The following DST variants were observed in gnomAD, a reference collection of about 807,000 sequenced individuals.
DST encodes the protein dystonin.
In DST, 253 loss-of-function variants were observed where a neutral mutation model predicts 875.2. The ratio of observed to expected loss-of-function variants is 0.29; its 90% CI spans 0.26 to 0.32. The LOEUF (loss-of-function observed/expected upper bound fraction) is 0.32, where lower values mean the gene tolerates loss of function less well. Among genes scored for constraint, DST ranks in the 10% least tolerant of loss-of-function variants. The pLI is 1.00. For missense variants in DST, 8,287 were observed against 9,111.6 expected (o/e 0.91, Z 3.68); for synonymous variants, 3,124 against 3,197.1 (o/e 0.98, Z 0.77).
At chr6:56,858,044 G>A (rs1164863518) in intron 3 of DST, among the ~76,000 whole-genome samples, 1 of 152,210 alleles carries the variant, frequency 6.6e-6, no homozygotes, top group African/African-American at 2.4e-5. Flanking sequence ...ACAGCTCTCA[G>A]TTAAGTCTTA....
chr6:56,593,847 G>A lies in DST; in HGVS notation c.12542C>T (p.Ser4181Leu). ...ACCTTTGTGAGAAATAACGTCTTCT[G>A]AGAAACTCTTCTGCCTCTTCAATTT... ...MTKLKRQKSFSEDVISHKGDL... is the reference protein window; with the variant it reads ...MTKLKRQKSFLEDVISHKGDL... The change falls in exon 48 of 104, where the codon TCA (serine) becomes TTA (leucine). Residue 4181 changes from serine (S) to leucine (L), a missense_variant. By Grantham distance (145) the Ser-to-Leu change is moderately radical. Transcript: ENST00000680361. 1 of 1,613,904 alleles carries A rather than the reference G, an allele frequency of 6.2e-7. No individual in the cohort carries two copies. The highest frequency in any genetic ancestry group is 2.2e-5 in the East Asian group (1 of 44,868).
At chr6:56,767,810 C>T (rs1222962216) in intron 4 of DST, among the ~76,000 whole-genome samples, 1 of 151,918 alleles carries the variant, frequency 6.6e-6, no homozygotes, top group African/African-American at 2.4e-5. Context: ...AGAAGGGGGG[C>T]ATCTGAATAA....
At chr6:56,486,611 G>A (rs1475417212) in intron 87 of DST, among the ~76,000 whole-genome samples, 1 of 152,078 alleles carries the variant, frequency 6.6e-6, no homozygotes, top group Non-Finnish European at 1.5e-5. Flanking sequence ...ATGAGAAAGA[G>A]GGAGATCAGA....
At position 56,535,302 on chromosome 6, in the gene DST, GC is replaced by G; in HGVS notation, c.16771-11del. 1 of 1,556,892 alleles carries G rather than the reference GC, an allele frequency of 6.4e-7. No homozygotes were observed. The highest frequency in any genetic ancestry group is 8.6e-7 in the Non-Finnish European group (1 of 1,162,432). ...CTGCTCGCTGAGCCACCTGCAAAGT[GC>G]CAATTGTTTCCACTTATTTATTTGT... On this transcript the variant is annotated splice_polypyrimidine_tract_variant and intron_variant, in intron 62 of 103. Transcript: ENST00000680361.
chr6:56,892,398 A>C (rs1012569000), intron 3 of DST, among the ~76,000 whole-genome samples: 2 of 142,294 alleles, frequency 1.4e-5, no homozygotes, highest in Admixed American at 7.4e-5. Flanking sequence ...ATCATGGCTT[A>C]CTGCAGCCTG....
chr6:56,870,557 G>A (rs755296928), intron 3 of DST, among the ~76,000 whole-genome samples: 8 of 152,118 alleles, frequency 5.3e-5, no homozygotes, highest in Non-Finnish European at 8.8e-5. Flanking sequence ...GAGGTCAGGC[G>A]TTCAAGATCA....
chr6:56,675,024 CTATAGTAAT>C (rs2099121680), intron 9 of DST, among the ~76,000 whole-genome samples: 1 of 152,172 alleles, frequency 6.6e-6, no homozygotes, highest in Non-Finnish European at 1.5e-5. Context: ...TACTACAAAT[CTATAGTAAT>C]AAAAACAGCA....
At chr6:56,918,477 T>C (rs1802451911) in intron 2 of DST, among the ~76,000 whole-genome samples, 1 of 152,156 alleles carries the variant, frequency 6.6e-6, no homozygotes, top group African/African-American at 2.4e-5. Flanking sequence ...ACTTAACTAT[T>C]TTCCTACTGA....
Position 56,517,604 on chromosome 6 carries a change from T to A in DST, c.18146A>T (p.Asp6049Val), listed in dbSNP as rs1172615642. The A allele has an allele frequency of 1.2e-6, 2 of 1,612,934 alleles. No homozygotes were observed. The highest frequency in any genetic ancestry group is 1.7e-5 in the Admixed American group (1 of 59,894). Residue 6049 changes from aspartate to valine, a missense_variant, in exon 70 of 104, where the codon GAT becomes GTT. This residue lies in a region of DST where 777 missense variants were observed against 764.8 expected (regional missense o/e 1.02). Coordinates refer to ENST00000680361, the MANE Select transcript of DST (RefSeq NM_001374736.1). ...TTCAGTAATCCAGGATAACTCAGCATCAGCTGCTTGGTCAAACTAAACAAA... is the reference window on the plus strand; with the variant it reads ...TTCAGTAATCCAGGATAACTCAGCAACAGCTGCTTGGTCAAACTAAACAAA... ...LRSQQFDQAA[D>V]AELSWITETE...
chr6:56,788,640 C>A (rs2099709973), intron 4 of DST, among the ~76,000 whole-genome samples: 2 of 152,144 alleles, frequency 1.3e-5, no homozygotes, highest in Admixed American at 1.3e-4. Flanking sequence ...GAAATGAGTT[C>A]TGTTATTTAT....
At chr6:56,586,856 C>T (rs1006813549) in intron 49 of DST, among the ~76,000 whole-genome samples, 124 of 152,222 alleles carry the variant, frequency 8.1e-4, no homozygotes, top group African/African-American at 2.7e-3. Flanking sequence ...GAGTCCTGTC[C>T]GTTACAAGGA....
Position 56,603,314 on chromosome 6 carries a change from A to T in DST, c.11048T>A (p.Val3683Asp), listed in dbSNP as rs1322103008. Residue 3683 changes from valine (V) to aspartate (D), a missense_variant, in exon 42 of 104, where the codon GTT becomes GAT. Physicochemically the swap from Val to Asp is radical, Grantham distance 152. This residue lies in a region of DST where 3,138 missense variants were observed against 3,116.6 expected (regional missense o/e 1.01). Transcript: ENST00000680361. ...SLPSDFPRGH[V>D]EELSISHQSL... ...CTGGTGGCTAATACTCAATTCTTCAACATGGCCTCTGGGAAAGTCACTGGG... is the reference window on the plus strand; with the variant it reads ...CTGGTGGCTAATACTCAATTCTTCATCATGGCCTCTGGGAAAGTCACTGGG... 1 of 1,611,186 alleles carries T rather than the reference A, an allele frequency of 6.2e-7. No individual in the cohort carries two copies. Among genetic ancestry groups the T allele is most frequent in the East Asian group, 2.2e-5 (1 of 44,794 alleles).
chr6:56,727,226 G>C (rs1217614864), intron 5 of DST, among the ~76,000 whole-genome samples: 2 of 152,164 alleles, frequency 1.3e-5, no homozygotes, highest in Non-Finnish European at 2.9e-5. Flanking sequence ...CCCACTTTGA[G>C]TTGTCCCACC....
intron 88 of DST, chr6:56,483,564 T>A (rs2095471558): frequency 8.0e-6 from 1 of 125,090 alleles, no homozygotes; most frequent in Non-Finnish European, 1.7e-5. Flanking sequence ...TTTTCCTGCC[T>A]AATTTTGACA....
At chr6:56,718,886 G>A (rs115803253) in intron 5 of DST, among the ~76,000 whole-genome samples, 2,291 of 152,318 alleles carry the variant, frequency 0.015, 30 homozygotes, top group Non-Finnish European at 0.023. Flanking sequence ...ATCAGGGGTG[G>A]TCTACGGCTG....
chr6:56,472,368 A>G (rs2094939561), intron 93 of DST, 146 bp from the exon 94 acceptor site: 1 of 706,298 alleles, frequency 1.4e-6, no homozygotes, highest in Non-Finnish European at 2.3e-6. Flanking sequence ...GATGATGTAT[A>G]ATGTCAAGGC....
At chr6:56,573,658 C>CT (rs747956728) in intron 51 of DST, 21 bp downstream of exon 51, 25 of 1,575,892 alleles carry the variant, frequency 1.6e-5, no homozygotes, top group East Asian at 6.7e-5. Flanking sequence ...GAAAATGGGA[C>CT]TTTTTTTTAA....
rs1449081397 is a variant in DST, at chr6:56,506,767, C to T, written c.19262G>A (p.Gly6421Glu). The part of the protein sequence containing the change: ...AAETIREEID[G>E]LQEELDIVIN... ...AACTATATCCAGCTCCTCCTGTAGT[C>T]CATCTATTTCTTCCCTTATGGTCTA... Residue 6421 changes from glycine to glutamate, a missense_variant, in exon 76 of 104, where the codon GGA (glycine) becomes GAA (glutamate). Gly to Glu is a moderately conservative substitution (Grantham distance 98). Coordinates refer to ENST00000680361, the MANE Select transcript of DST (RefSeq NM_001374736.1). 3.1e-6 allele frequency: 5 copies of T among 1,612,628 alleles called. No homozygotes were observed. The highest frequency in any genetic ancestry group is 1.3e-5 in the African/African-American group (1 of 74,970).
At chr6:56,733,444 T>C (rs2099510324) in intron 5 of DST, among the ~76,000 whole-genome samples, 1 of 152,228 alleles carries the variant, frequency 6.6e-6, no homozygotes, top group African/African-American at 2.4e-5. Flanking sequence ...TTCTACACCA[T>C]ACGCTCTCAT....
Sources: gnomAD v4.1 joint callset for allele counts (sites outside exome capture counted in the v4.1 genomes callset) on GRCh38, gnomAD v4.1.1 for gene constraint, gnomAD v4.1.1 regional missense constraint, MANE v1.5 for transcripts, NCBI Gene and HGNC (gene_info 2026-07-23, HGNC 2026-07-21) for gene names.